ATP8A2: variants seen among roughly 807,000 people sequenced by gnomAD.
ATP8A2 encodes ATPase phospholipid transporting 8A2.
ATP8A2 carries 100 observed loss-of-function variants against 165.6 expected under a neutral mutation model. The observed-to-expected ratio is 0.60, with a 90% CI of 0.51 to 0.71. The LOEUF (loss-of-function observed/expected upper bound fraction) is 0.71. Ranked by LOEUF, ATP8A2 falls within the 30% of genes least tolerant of loss-of-function variation. The pLI, the probability that ATP8A2 is intolerant of heterozygous loss-of-function variation, is 0.00. For missense variants in ATP8A2, 1,227 were observed against 1,479.5 expected, an observed-to-expected ratio of 0.83 and a Z score of 2.80; for synonymous variants, 543 against 548.8, an observed-to-expected ratio of 0.99 and a Z score of 0.15.
intron 2 of ATP8A2, among the ~76,000 whole-genome samples, chr13:25,526,748 C>CTCTGGAAACT (rs2037853126): frequency 6.6e-6 from 1 of 152,160 alleles, no homozygotes; most frequent in African/African-American, 2.4e-5. Context: ...AGCAAAGTTT[C>CTCTGGAAACT]CAGAGTTGGG....
chr13:25,729,344 A>T (rs1166188044), intron 25 of ATP8A2, among the ~76,000 whole-genome samples: 1 of 152,200 alleles, frequency 6.6e-6, no homozygotes, highest in East Asian at 1.9e-4. Flanking sequence ...CTAGGGAAGG[A>T]TGGAAAGTGA....
intron 11 of ATP8A2, among the ~76,000 whole-genome samples, chr13:25,553,398 A>G (rs1235005505): frequency 6.6e-6 from 1 of 152,244 alleles, no homozygotes; most frequent in Admixed American, 6.5e-5. Context: ...AGTATCCCCA[A>G]TATACACGTA....
chr13:25,532,637 GT>G (rs1427994528), intron 5 of ATP8A2, among the ~76,000 whole-genome samples: 3 of 151,870 alleles, frequency 2.0e-5, no homozygotes, highest in African/African-American at 7.3e-5. Context: ...ACTTTTTATT[GT>G]TTTATTTCTA....
chr13:25,558,849 G>T, intron 13 of ATP8A2, 124 bp from the exon 14 acceptor site: 2 of 571,420 alleles, frequency 3.5e-6, no homozygotes, highest in Non-Finnish European at 6.1e-6. Flanking sequence ...TTACTAATTT[G>T]CTTGCTTTAG....
chr13:25,557,622 GC>G (rs2039019699), intron 13 of ATP8A2, among the ~76,000 whole-genome samples: 1 of 152,132 alleles, frequency 6.6e-6, no homozygotes, highest in Non-Finnish European at 1.5e-5. Flanking sequence ...CTTTGTGAGG[GC>G]GTGGGTGTGC....
chr13:25,399,982 A>ATTGC (rs879544906), intron 1 of ATP8A2, among the ~76,000 whole-genome samples: 1 of 149,048 alleles, frequency 6.7e-6, no homozygotes, highest in African/African-American at 2.5e-5. Context: ...TTTTTTGAGG[A>ATTGC]AGCCATCAGA....
chr13:25,626,322 C>T (rs1465497220), intron 24 of ATP8A2, among the ~76,000 whole-genome samples: 1 of 152,094 alleles, frequency 6.6e-6, no homozygotes, highest in African/African-American at 2.4e-5. Context: ...CTAATGAGGG[C>T]CTTCTTGCTG....
chr13:25,432,936 A>T (rs964198715), intron 1 of ATP8A2, among the ~76,000 whole-genome samples: 1 of 152,156 alleles, frequency 6.6e-6, no homozygotes, highest in Non-Finnish European at 1.5e-5. Context: ...ACAGCCACAC[A>T]TGGGGTTTTC....
rs553536830 is a variant in ATP8A2 at position 25,793,096 on chromosome 13, TC to T, written c.2679+18140del. ...ATTGTTTCATAGGAGTGGTACCTTT[TC>T]CCACACTGACTGTAAAAAGTTCAGA... On this transcript the variant is annotated intron_variant, in intron 27 of 36. Coordinates refer to ENST00000381655, the MANE Select transcript of ATP8A2 (RefSeq NM_016529.6). Among the ~76,000 whole-genome samples, 224 of 152,184 alleles carry T rather than the reference TC, an allele frequency of 1.5e-3. 2 individuals are homozygous for T. Among genetic ancestry groups the T allele is most frequent in the African/African-American group, 5.2e-3 (217 of 41,504 alleles).
intron 25 of ATP8A2, among the ~76,000 whole-genome samples, chr13:25,720,321 C>T (rs9578917): frequency 0.081 from 12,338 of 151,678 alleles, 634 homozygotes; most frequent in East Asian, 0.24. Flanking sequence ...CACCACCATG[C>T]CAGGCTAATT....
At chr13:25,569,045 G>T (rs2039395715) in intron 16 of ATP8A2, among the ~76,000 whole-genome samples, 1 of 152,072 alleles carries the variant, frequency 6.6e-6, no homozygotes, top group Non-Finnish European at 1.5e-5. Context: ...TCACTACTAG[G>T]TTTACTTATT....
intron 30 of ATP8A2, among the ~76,000 whole-genome samples, chr13:25,853,713 G>T (rs1391393379): frequency 2.0e-5 from 3 of 152,118 alleles, no homozygotes; most frequent in African/African-American, 7.2e-5. Flanking sequence ...ATAGATCATT[G>T]CTCTTCTCAA....
chr13:25,880,380 A>C (rs879396634), intron 33 of ATP8A2, among the ~76,000 whole-genome samples: 456 of 148,638 alleles, frequency 3.1e-3, no homozygotes, highest in Non-Finnish European at 5.6e-3. Flanking sequence ...GGAACAACAA[A>C]AAAAAAAAAA....
intron 33 of ATP8A2, among the ~76,000 whole-genome samples, chr13:25,884,045 A>C (rs1453318853): frequency 6.6e-6 from 1 of 152,146 alleles, no homozygotes; most frequent in East Asian, 1.9e-4. Context: ...GGCCAGAAAG[A>C]TGAGAAATGG....
intron 24 of ATP8A2, among the ~76,000 whole-genome samples, chr13:25,650,176 C>T (rs1479630836): frequency 6.6e-6 from 1 of 152,204 alleles, no homozygotes; most frequent in East Asian, 1.9e-4. Flanking sequence ...GATAGTTTCT[C>T]TCACCCTTTC....
intron 2 of ATP8A2, among the ~76,000 whole-genome samples, chr13:25,497,186 A>G (rs1022259311): frequency 2.6e-5 from 4 of 152,216 alleles, no homozygotes; most frequent in African/African-American, 4.8e-5. Context: ...GAGGTGGGCC[A>G]TTAGTAGTAT....
intron 24 of ATP8A2, among the ~76,000 whole-genome samples, chr13:25,631,661 C>T (rs1194636004): frequency 6.6e-6 from 1 of 152,080 alleles, no homozygotes; most frequent in Admixed American, 6.5e-5. Context: ...TGTACTTTCT[C>T]AGTGGGTTGC....
chr13:25,601,749 C>T (rs1253708732), intron 24 of ATP8A2, among the ~76,000 whole-genome samples: 4 of 152,160 alleles, frequency 2.6e-5, no homozygotes, highest in East Asian at 1.9e-4. Context: ...GGATTACAGG[C>T]GTGAGCCACT....
intron 25 of ATP8A2, among the ~76,000 whole-genome samples, chr13:25,757,544 A>T (rs1593300828): frequency 6.6e-6 from 1 of 151,802 alleles, no homozygotes; most frequent in Non-Finnish European, 1.5e-5. Context: ...CTTAGAAGAG[A>T]GGGTGTTCTC....
Sources: allele counts gnomAD v4.1 joint callset (sites outside exome capture counted in the v4.1 genomes callset), GRCh38; gene constraint gnomAD v4.1.1; transcripts MANE v1.5; gene names NCBI Gene and HGNC (gene_info 2026-07-23, HGNC 2026-07-21).